Variants in GPC5 observed in about 807,000 individuals in gnomAD.
GPC5 encodes the protein glypican 5.
GPC5 carries 47 observed loss-of-function variants against 53.9 expected under a neutral mutation model. That is an observed-to-expected ratio of 0.87 (90% CI 0.69 to 1.11). The LOEUF (loss-of-function observed/expected upper bound fraction) is 1.11, where lower values mean the gene tolerates loss of function less well. GPC5 is among the 50% of genes most tolerant of loss of function. The pLI is 0.00. For missense variants in GPC5, 748 were observed against 713.1 expected (o/e 1.05, Z -0.56); for synonymous variants, 286 against 263.3 (o/e 1.09, Z -0.84).
At position 91,474,253 on chromosome 13, in the gene GPC5, C is replaced by T. The variant is rs180740983; in HGVS notation, c.325+25331C>T. Among the ~76,000 whole-genome samples, 25 of 152,146 alleles carry T rather than the reference C, an allele frequency of 1.6e-4. No homozygotes were observed. The East Asian group carries it at 4.6e-3, about 28-fold the overall frequency. On this transcript the variant is annotated intron_variant, in intron 2 of 7. Transcript: ENST00000377067. ...TTAGTCATTATGTACATATATTATA[C>T]ATATTGTTTATAGAAGATCTTGGAA...
intron 7 of GPC5, among the ~76,000 whole-genome samples, chr13:92,664,954 T>C (rs952460559): frequency 3.3e-5 from 5 of 152,166 alleles, no homozygotes; most frequent in Non-Finnish European, 5.9e-5. Context: ...CCATGGAATA[T>C]TATGCAGATG....
At chr13:92,429,575 A>G (rs1454531040) in intron 7 of GPC5, among the ~76,000 whole-genome samples, 4 of 151,976 alleles carry the variant, frequency 2.6e-5, no homozygotes, top group African/African-American at 9.7e-5. Context: ...AAACCTGCCA[A>G]ATCATTGCTT....
intron 7 of GPC5, among the ~76,000 whole-genome samples, chr13:92,367,393 C>G (rs1051286171): frequency 3.3e-5 from 5 of 152,108 alleles, no homozygotes; most frequent in Admixed American, 2.6e-4. Flanking sequence ...AGCCTGTTGC[C>G]ATAAAACACC....
At chr13:91,676,068 G>A (rs957486321) in intron 2 of GPC5, among the ~76,000 whole-genome samples, 10 of 152,066 alleles carry the variant, frequency 6.6e-5, no homozygotes, top group Admixed American at 6.6e-4. Flanking sequence ...GGCTTTGTTT[G>A]TTTGTTTGTT....
chr13:92,285,932 A>AC (rs965730763), intron 7 of GPC5, among the ~76,000 whole-genome samples: 4 of 151,696 alleles, frequency 2.6e-5, no homozygotes, highest in African/African-American at 9.7e-5. Flanking sequence ...GCAAAAAAAA[A>AC]CCTACCATCA....
intron 7 of GPC5, among the ~76,000 whole-genome samples, chr13:92,353,503 A>G (rs1400366481): frequency 1.3e-5 from 2 of 152,186 alleles, no homozygotes; most frequent in Non-Finnish European, 1.5e-5. Context: ...GGGAATGGAA[A>G]GATTCTCAAT....
chr13:91,669,355 A>G (rs373582955), intron 2 of GPC5, among the ~76,000 whole-genome samples: 1 of 152,244 alleles, frequency 6.6e-6, no homozygotes, highest in African/African-American at 2.4e-5. Flanking sequence ...GAGTTAGAAT[A>G]TGATTTCAAT....
chr13:92,411,771 G>A (rs543163040), intron 7 of GPC5, among the ~76,000 whole-genome samples: 1 of 152,124 alleles, frequency 6.6e-6, no homozygotes, highest in Non-Finnish European at 1.5e-5. Flanking sequence ...GCATAATGAT[G>A]TATATAAATC....
chr13:91,721,594 A>C (rs2036475479), intron 3 of GPC5, among the ~76,000 whole-genome samples: 1 of 152,218 alleles, frequency 6.6e-6, no homozygotes, highest in African/African-American at 2.4e-5. Context: ...TTGGCAGAGC[A>C]TGTGGGAAAC....
intron 5 of GPC5, among the ~76,000 whole-genome samples, chr13:91,758,061 T>A (rs2037332843): frequency 6.6e-6 from 1 of 151,966 alleles, no homozygotes; most frequent in Non-Finnish European, 1.5e-5. Context: ...GAAAAAAAAA[T>A]TGAAGACAAA....
intron 5 of GPC5, among the ~76,000 whole-genome samples, chr13:91,852,155 T>C (rs1045399457): frequency 2.0e-5 from 3 of 152,108 alleles, no homozygotes; most frequent in Non-Finnish European, 4.4e-5. Flanking sequence ...GTGACATTTT[T>C]ACTTTACAAG....
intron 2 of GPC5, among the ~76,000 whole-genome samples, chr13:91,649,909 T>C (rs528491533): frequency 1.3e-5 from 2 of 152,162 alleles, no homozygotes; most frequent in Non-Finnish European, 2.9e-5. Context: ...ATTTATAAAA[T>C]ACATAGATTT....
intron 5 of GPC5, among the ~76,000 whole-genome samples, chr13:91,838,620 T>G (rs1222947374): frequency 6.6e-6 from 1 of 151,828 alleles, no homozygotes; most frequent in Non-Finnish European, 1.5e-5. Context: ...CTGGAATAGA[T>G]GAAAAGATTG....
At chr13:92,580,166 T>C (rs1883327036) in intron 7 of GPC5, among the ~76,000 whole-genome samples, 1 of 152,132 alleles carries the variant, frequency 6.6e-6, no homozygotes, top group Admixed American at 6.6e-5. Context: ...AAATTCAAAT[T>C]GAAGAAAGGT....
chr13:91,492,403 A>T (rs1054807406), intron 2 of GPC5, among the ~76,000 whole-genome samples: 1 of 152,202 alleles, frequency 6.6e-6, no homozygotes, highest in Non-Finnish European at 1.5e-5. Flanking sequence ...AGTGTCATTC[A>T]GTCCAAGTCA....
chr13:92,563,484 CAATT>C (rs201576037), intron 7 of GPC5, among the ~76,000 whole-genome samples: 1,853 of 152,066 alleles, frequency 0.012, 21 homozygotes, highest in Non-Finnish European at 0.017. Flanking sequence ...GAAAAGGACT[CAATT>C]AATGCATTCT....
chr13:92,716,435 T>C (rs1888329371), intron 7 of GPC5, among the ~76,000 whole-genome samples: 1 of 151,788 alleles, frequency 6.6e-6, no homozygotes, highest in Non-Finnish European at 1.5e-5. Context: ...ATCTAGAAAG[T>C]CTTCCCACCG....
At chr13:92,387,895 T>C (rs987218325) in intron 7 of GPC5, among the ~76,000 whole-genome samples, 1 of 152,172 alleles carries the variant, frequency 6.6e-6, no homozygotes, top group African/African-American at 2.4e-5. Flanking sequence ...TCCTAGCAGA[T>C]AATCAGTACA....
Position 92,740,960 on chromosome 13 carries a change from G to GTGTGTGTATATA in GPC5, c.1562-125321_1562-125320insGTGTGTATATAT, listed in dbSNP as rs35795926. On this transcript the variant is annotated intron_variant, in intron 7 of 7. Coordinates refer to ENST00000377067, the MANE Select transcript of GPC5 (RefSeq NM_004466.6). ...TGTATGTGTGTATATATATGTATGT[G>GTGTGTGTATATA]TATATATATATCCTGCTGTAGCATA... Among the ~76,000 whole-genome samples the GTGTGTGTATATA allele has an allele frequency of 2.3e-4, 27 of 117,700 alleles. 1 individual carries two copies. Among genetic ancestry groups the GTGTGTGTATATA allele is most frequent in the Non-Finnish European group, 4.3e-4 (23 of 53,540 alleles). 77.2% of individuals were successfully genotyped at this position (117,700 alleles called of 152,430 possible).
Sources: gnomAD v4.1 joint callset for allele counts (sites outside exome capture counted in the v4.1 genomes callset) on GRCh38, gnomAD v4.1.1 for gene constraint, MANE v1.5 for transcripts, NCBI Gene and HGNC (gene_info 2026-07-23, HGNC 2026-07-21) for gene names.